FSTL4: variants seen among roughly 807,000 people sequenced by gnomAD.
The protein encoded by FSTL4 is follistatin-related protein 4.
A neutral mutation model predicts 78.2 loss-of-function variants in FSTL4; 28 were observed. The observed-to-expected ratio is 0.36, with a 90% CI of 0.27 to 0.49. The LOEUF (loss-of-function observed/expected upper bound fraction) is 0.49. Ranked by LOEUF, FSTL4 falls within the 20% of genes least tolerant of loss-of-function variation. The pLI, the probability that FSTL4 is intolerant of heterozygous loss-of-function variation, is 0.98. For missense variants in FSTL4, 922 were observed against 1,084.9 expected (o/e 0.85, Z 2.11); for synonymous variants, 422 against 440.5 (o/e 0.96, Z 0.53).
At chr5:133,355,578 C>T (rs1350019972) in intron 4 of FSTL4, among the ~76,000 whole-genome samples, 1 of 152,148 alleles carries the variant, frequency 6.6e-6, no homozygotes, top group African/African-American at 2.4e-5. Flanking sequence ...ATTGCTTGAA[C>T]CTGGGAGGCG....
chr5:133,804,695 C>A, the FSTL4 span, among the ~76,000 whole-genome samples: 1 of 152,136 alleles, frequency 6.6e-6, no homozygotes, highest in Non-Finnish European at 1.5e-5. Context: ...ACTCTCAGAA[C>A]TGCACATGTT....
At chr5:133,346,006 C>T (rs544111415) in intron 4 of FSTL4, among the ~76,000 whole-genome samples, 29 of 152,246 alleles carry the variant, frequency 1.9e-4, no homozygotes, top group Non-Finnish European at 2.5e-4. Context: ...TGCCCATCAA[C>T]GGTAGACTGG....
intron 3 of FSTL4, among the ~76,000 whole-genome samples, chr5:133,549,944 G>A (rs1451315927): frequency 1.3e-5 from 2 of 152,072 alleles, no homozygotes; most frequent in Non-Finnish European, 2.9e-5. Context: ...AGCCTACTGG[G>A]GTCTGTTGGG....
At chr5:133,291,773 G>T (rs571556275) in intron 6 of FSTL4, among the ~76,000 whole-genome samples, 2 of 152,098 alleles carry the variant, frequency 1.3e-5, no homozygotes, top group South Asian at 4.2e-4. Flanking sequence ...AGGGGAGGTG[G>T]GGAGGGTGTG....
chr5:133,447,268 AGCCCAGGTCACCTGAT>A (rs1344901389), intron 3 of FSTL4, among the ~76,000 whole-genome samples: 1 of 152,276 alleles, frequency 6.6e-6, no homozygotes, highest in Non-Finnish European at 1.5e-5. Context: ...CCAAGTGTCC[AGCCCAGGTCACCTGAT>A]GCCCAAGTCC....
chr5:133,638,727 GT>G, the FSTL4 span, among the ~76,000 whole-genome samples: 1 of 151,368 alleles, frequency 6.6e-6, no homozygotes, highest in East Asian at 1.9e-4. Flanking sequence ...TATTTCTTTT[GT>G]TTTTTTTCTG....
the FSTL4 span, among the ~76,000 whole-genome samples, chr5:133,841,359 C>A: frequency 6.6e-6 from 1 of 152,232 alleles, no homozygotes; most frequent in Non-Finnish European, 1.5e-5. Context: ...TGAGCACCTA[C>A]TATTTGCCAT....
chr5:133,227,647 G>A (rs1581546821), intron 8 of FSTL4, among the ~76,000 whole-genome samples: 1 of 152,120 alleles, frequency 6.6e-6, no homozygotes, highest in South Asian at 2.1e-4. Flanking sequence ...CTAGATCACT[G>A]TCTATTTCTA....
intron 7 of FSTL4, among the ~76,000 whole-genome samples, chr5:133,240,044 C>T (rs1297962561): frequency 6.6e-6 from 1 of 152,190 alleles, no homozygotes. Context: ...TTGCTCTTTG[C>T]AATAAATGCT....
At chr5:133,772,782 T>A in the FSTL4 span, among the ~76,000 whole-genome samples, 1 of 152,172 alleles carries the variant, frequency 6.6e-6, no homozygotes, top group Non-Finnish European at 1.5e-5. Flanking sequence ...CATGACCTAA[T>A]CACCTCTTAA....
chr5:133,369,489 C>T (rs1755246018), intron 4 of FSTL4, among the ~76,000 whole-genome samples: 1 of 152,118 alleles, frequency 6.6e-6, no homozygotes, highest in Non-Finnish European at 1.5e-5. Flanking sequence ...CCAATCCCCT[C>T]TATTGCACAG....
At chr5:133,449,895 C>A (rs1213420278) in intron 3 of FSTL4, among the ~76,000 whole-genome samples, 1 of 152,148 alleles carries the variant, frequency 6.6e-6, no homozygotes, top group Non-Finnish European at 1.5e-5. Flanking sequence ...TAGAATTGAT[C>A]CCCAGGACCT....
rs556123374 is a variant in FSTL4 at position 133,533,081 on chromosome 5, G to A, written c.160+34105C>T. Reference sequence around the variant, plus strand: ...TACGAGTTTATGCAAGAAACAGAGGGGACTTGTGGGCTTTATCATGGAATT... The same window carrying A: ...TACGAGTTTATGCAAGAAACAGAGGAGACTTGTGGGCTTTATCATGGAATT... On this transcript the variant is annotated intron_variant, in intron 3 of 15. Coordinates refer to ENST00000265342, the MANE Select transcript of FSTL4 (RefSeq NM_015082.2). Among the ~76,000 whole-genome samples, 19 of 152,238 alleles carry A rather than the reference G, an allele frequency of 1.2e-4. No homozygotes were observed. The South Asian group carries it at 3.9e-3, about 32-fold the overall frequency.
intron 3 of FSTL4, among the ~76,000 whole-genome samples, chr5:133,435,045 G>T (rs1022372446): frequency 5.9e-5 from 9 of 151,934 alleles, no homozygotes; most frequent in African/African-American, 1.7e-4. Flanking sequence ...TTTTTCCCCA[G>T]TTTTTCATTT....
At chr5:133,696,275 T>C in the FSTL4 span, among the ~76,000 whole-genome samples, 1 of 152,224 alleles carries the variant, frequency 6.6e-6, no homozygotes, top group Non-Finnish European at 1.5e-5. Context: ...GGGGGTATCT[T>C]TGGTCTTCAG....
intron 6 of FSTL4, among the ~76,000 whole-genome samples, chr5:133,268,935 A>G (rs1752700332): frequency 6.6e-6 from 1 of 152,108 alleles, no homozygotes; most frequent in Non-Finnish European, 1.5e-5. Flanking sequence ...TAATCCCAGT[A>G]TTTTGGGAGG....
chr5:133,511,113 C>G (rs144403441), intron 3 of FSTL4, among the ~76,000 whole-genome samples: 2 of 152,158 alleles, frequency 1.3e-5, no homozygotes, highest in African/African-American at 4.8e-5. Flanking sequence ...ACAGGCCATG[C>G]CTTCAAGGGC....
At chr5:133,760,526 C>A in the FSTL4 span, among the ~76,000 whole-genome samples, 7 of 152,290 alleles carry the variant, frequency 4.6e-5, no homozygotes, top group Non-Finnish European at 8.8e-5. Flanking sequence ...CCAGACAGGG[C>A]GATCTCCATT....
chr5:133,555,640 G>C (rs1280930831), intron 3 of FSTL4, among the ~76,000 whole-genome samples: 1 of 152,176 alleles, frequency 6.6e-6, no homozygotes, highest in Non-Finnish European at 1.5e-5. Context: ...TGCCAGCACA[G>C]CTTTACAGGC....
Sources: allele counts gnomAD v4.1 joint callset (sites outside exome capture counted in the v4.1 genomes callset), GRCh38; gene constraint gnomAD v4.1.1; transcripts MANE v1.5; gene names NCBI Gene and HGNC (gene_info 2026-07-23, HGNC 2026-07-21).